Variants in SASS6 observed in about 807,000 individuals in gnomAD.
SASS6 encodes the protein SAS-6 centriolar assembly protein.
In SASS6, 59 loss-of-function variants were observed where a neutral mutation model predicts 94.9. That is an observed-to-expected ratio of 0.62 (90% CI 0.50 to 0.77). The LOEUF is 0.77. Among genes scored for constraint, SASS6 ranks in the 30% least tolerant of loss-of-function variants. The pLI, the probability that SASS6 is intolerant of heterozygous loss-of-function variation, is 0.00. For synonymous variants in SASS6, 264 were observed against 270.0 expected, an observed-to-expected ratio of 0.98 and a Z score of 0.22; for missense variants, 698 against 734.1, an observed-to-expected ratio of 0.95 and a Z score of 0.57.
intron 6 of SASS6, 109 bp downstream of exon 6, chr1:100,120,285 C>T (rs1410395223): frequency 1.6e-5 from 10 of 622,490 alleles, no homozygotes; most frequent in Admixed American, 2.7e-5. Context: ...GGAAATTCAA[C>T]GGAAGCATGC....
chr1:100,107,346 C>T, intron 11 of SASS6, 28 bp downstream of exon 11: 1 of 1,435,956 alleles, frequency 7.0e-7, no homozygotes, highest in Non-Finnish European at 9.6e-7. Flanking sequence ...AATTTAGTTA[C>T]AACATAAAAA....
intron 14 of SASS6, among the ~76,000 whole-genome samples, chr1:100,100,165 C>G (rs1039566350): frequency 6.6e-6 from 1 of 152,156 alleles, no homozygotes; most frequent in Admixed American, 6.5e-5. Flanking sequence ...ACTCGGGAGG[C>G]TGAGGCATGA....
At chr1:100,128,122 C>T (rs1439524210) in intron 1 of SASS6, among the ~76,000 whole-genome samples, 4 of 152,044 alleles carry the variant, frequency 2.6e-5, no homozygotes, top group Non-Finnish European at 4.4e-5. Context: ...CTGCAACCTC[C>T]GCCTCCCAGG....
intron 4 of SASS6, 93 bp from the exon 5 acceptor site, chr1:100,121,642 A>G (rs1654207836): frequency 1.4e-6 from 1 of 733,900 alleles, no homozygotes; most frequent in Non-Finnish European, 2.3e-6. Context: ...AAAGCTCAGG[A>G]AAGGGAGCAC....
chr1:100,111,669 C>T (rs919007260), intron 7 of SASS6, among the ~76,000 whole-genome samples: 1 of 152,048 alleles, frequency 6.6e-6, no homozygotes. Flanking sequence ...GGGAGTGTCT[C>T]TCTCATAAAA....
rs1028904622 is a variant in SASS6 at position 100,122,336 on chromosome 1, G to A, written c.311+44C>T. ...CAACTTGTGTTTCAAAGAAGAGTCT[G>A]TCTTGAATTAAATTTAATAATGTAG... On this transcript the variant is annotated intron_variant, in intron 4 of 16. Coordinates refer to ENST00000287482, the MANE Select transcript of SASS6 (RefSeq NM_194292.3). The A allele has an allele frequency of 3.5e-6, 3 of 851,250 alleles. No individual in the cohort carries two copies. In the South Asian group the frequency reaches 4.5e-5, roughly 13 times the overall value. 52.7% of individuals were successfully genotyped at this position (851,250 alleles called of 1,614,324 possible).
rs1654260586 is a variant in SASS6 at position 100,122,430 on chromosome 1, A to G, written c.261T>C (p.Phe87=). The G allele has an allele frequency of 6.3e-7, 1 of 1,591,532 alleles. No individual in the cohort carries two copies. Among genetic ancestry groups the G allele is most frequent in the African/African-American group, 1.3e-5 (1 of 74,350 alleles). ...GAGTACATTGCTGAAGGAGATCTATAAATTTTTGTGGGAAAGCTAAGAAGT... is the reference window on the plus strand; with the variant it reads ...GAGTACATTGCTGAAGGAGATCTATGAATTTTTGTGGGAAAGCTAAGAAGT... ...LVDFLAFPQK[F]IDLLQQCTQE... The change falls in exon 4 of 17, where the codon TTT becomes TTC. Residue 87 remains phenylalanine (F), a synonymous_variant. Coordinates refer to ENST00000287482, the MANE Select transcript of SASS6 (RefSeq NM_194292.3).
In SASS6 at chr1:100,084,650, C is replaced by A. The variant is rs1048939922; in HGVS notation, c.*678G>T. The stretch of plus-strand genomic sequence containing the variant: ...GATGAGTATAAACATTTAGGAAGCA[C>A]TGAAGTTTTAAAAACTTGTCAGCTC... On this transcript the variant is annotated 3_prime_UTR_variant, in exon 17 of 17. Transcript: ENST00000287482. 1.3e-5 allele frequency: 2 copies of A among 152,070 alleles called. No homozygotes were observed. The highest frequency in any genetic ancestry group is 2.4e-5 in the African/African-American group (1 of 41,432). The allele number at this position is 152,070 out of a possible 1,614,324, so 9.4% of individuals were successfully genotyped here.
In SASS6 at chr1:100,088,222, C is replaced by T. The variant is rs754709915; in HGVS notation, c.1689G>A (p.Leu563=). The change falls in exon 15 of 17, where the codon TTG becomes TTA. Residue 563 remains leucine, a synonymous_variant. Transcript: ENST00000287482. The part of the protein sequence containing the change: ...PGSGTKVQFN[L]QFTKPNASLG... ...GTGATGCATTTGGTTTTGTAAACTG[C>T]AAATTAAACTGAACCTGTGAGAAGG... The T allele has an allele frequency of 6.3e-7, 1 of 1,578,392 alleles. No individual in the cohort carries two copies. The highest frequency in any genetic ancestry group is 8.7e-7 in the Non-Finnish European group (1 of 1,148,128).
intron 14 of SASS6, among the ~76,000 whole-genome samples, chr1:100,094,776 G>A (rs1268033409): frequency 6.6e-6 from 1 of 150,820 alleles, no homozygotes; most frequent in African/African-American, 2.4e-5. Flanking sequence ...TGCGGCAGAA[G>A]AATCGCTGGA....
At chr1:100,132,608 C>T (rs1446385716) in intron 1 of SASS6, 142 bp downstream of exon 1, 4 of 746,736 alleles carry the variant, frequency 5.4e-6, no homozygotes, top group African/African-American at 3.5e-5. Flanking sequence ...ACCACCGGGC[C>T]CTCTGGGTTC....
chr1:100,132,911 G>A lies in SASS6; in HGVS notation c.-97C>T. ...CCGGGTCCTGATAAAGTTTGAGTTT[G>A]GCGCTCGGCTTCTGCGGAGGAGGCG... On this transcript the variant is annotated 5_prime_UTR_variant, in exon 1 of 17. Coordinates refer to ENST00000287482, the MANE Select transcript of SASS6 (RefSeq NM_194292.3). 8.1e-7 allele frequency: 1 copy of A among 1,240,418 alleles called. No homozygotes were observed. The highest frequency in any genetic ancestry group is 1.2e-6 in the Non-Finnish European group (1 of 856,564). The allele number at this position is 1,240,418 out of a possible 1,614,324, so 76.8% of individuals were successfully genotyped here.
At chr1:100,090,044 A>T (rs1651570642) in intron 14 of SASS6, among the ~76,000 whole-genome samples, 1 of 152,200 alleles carries the variant, frequency 6.6e-6, no homozygotes, top group African/African-American at 2.4e-5. Flanking sequence ...AAAGTAGATG[A>T]TGAAATTGTA....
chr1:100,123,245 T>A lies in SASS6; in HGVS notation c.171A>T (p.Leu57Phe). 1 of 1,540,848 alleles carries A rather than the reference T, an allele frequency of 6.5e-7. No individual in the cohort carries two copies. Among genetic ancestry groups the A allele is most frequent in the Non-Finnish European group, 8.9e-7 (1 of 1,122,532 alleles). ...RLTDDTDPFF[L>F]YNLVISEEDF... ...CTTCCTCAGATATAACAAGGTTATA[T>A]AAAAAAAATGGATCCGTGTCATCAG... Residue 57 changes from leucine to phenylalanine, a missense_variant, in exon 3 of 17, where the codon TTA (leucine) becomes TTT (phenylalanine). Leu to Phe is a conservative substitution (Grantham distance 22). Transcript: ENST00000287482.
intron 15 of SASS6, among the ~76,000 whole-genome samples, chr1:100,087,524 A>G (rs188580440): frequency 6.6e-6 from 1 of 152,308 alleles, no homozygotes; most frequent in East Asian, 1.9e-4. Context: ...GTTTGCCTGT[A>G]TGAGTGGTTT....
chr1:100,127,684 A>G (rs879767104), intron 1 of SASS6, among the ~76,000 whole-genome samples: 1 of 152,198 alleles, frequency 6.6e-6, no homozygotes, highest in Non-Finnish European at 1.5e-5. Context: ...GTGTTACTCC[A>G]ATTCCATTTA....
At chr1:100,131,695 C>T (rs1655043490) in intron 1 of SASS6, among the ~76,000 whole-genome samples, 1 of 152,166 alleles carries the variant, frequency 6.6e-6, no homozygotes, top group Non-Finnish European at 1.5e-5. Context: ...ATCTCCTTGA[C>T]CGGCTTGCCA....
rs1242889559 is a variant in SASS6 at position 100,085,653 on chromosome 1, CTTAT to C, written c.1773-27_1773-24del. 4 of 1,405,302 alleles carry C rather than the reference CTTAT, an allele frequency of 2.8e-6. No homozygotes were observed. The African/African-American group carries it at 4.3e-5, about 15-fold the overall frequency. 87.1% of individuals were successfully genotyped at this position (1,405,302 alleles called of 1,614,324 possible). ...CCACTTAAAAAGAAAATGGTAATAA[CTTAT>C]TTAACAAAGTCTTTATTAACTTTGA... On this transcript the variant is annotated intron_variant, in intron 15 of 16. Coordinates refer to ENST00000287482, the MANE Select transcript of SASS6 (RefSeq NM_194292.3).
At chr1:100,105,532 A>AAAAAC (rs1053664209) in intron 13 of SASS6, among the ~76,000 whole-genome samples, 2 of 152,106 alleles carry the variant, frequency 1.3e-5, no homozygotes, top group Admixed American at 1.3e-4. Context: ...ATCTCAAAAA[A>AAAAAC]AAAACAAAAC....
Sources: gnomAD v4.1 joint callset for allele counts (sites outside exome capture counted in the v4.1 genomes callset) on GRCh38, gnomAD v4.1.1 for gene constraint, MANE v1.5 for transcripts, NCBI Gene and HGNC (gene_info 2026-07-23, HGNC 2026-07-21) for gene names.